The following CACNA1B variants were observed in gnomAD, a reference collection of about 807,000 sequenced individuals.
CACNA1B encodes the protein voltage-dependent N-type calcium channel subunit alpha-1B.
A neutral mutation model predicts 247.2 loss-of-function variants in CACNA1B; 70 were observed. That is an observed-to-expected ratio of 0.28 (90% confidence interval 0.23 to 0.35). The LOEUF is 0.35. CACNA1B is among the 10% of genes least tolerant of loss of function. The pLI is 1.00. For missense variants in CACNA1B, 2,367 were observed against 3,197.4 expected (o/e 0.74, Z 6.26); for synonymous variants, 1,231 against 1,294.4 (o/e 0.95, Z 1.05).
intron 3 of CACNA1B, chr9:137,883,118 C>T (rs1956952221): frequency 1.9e-6 from 1 of 532,356 alleles, no homozygotes; most frequent in Non-Finnish European, 3.4e-6. Context: ...GTGACCTGTC[C>T]CCAGGAGGCG....
At position 138,121,564 on chromosome 9, in the gene CACNA1B, G is replaced by A; in HGVS notation, c.6585G>A (p.Leu2195=). Residue 2195 remains leucine (L), a synonymous_variant, in exon 47 of 47, where the codon CTG becomes CTA. Transcript: ENST00000371372. The surrounding 1 kb of genome is among the most constrained non-coding windows in gnomAD (Gnocchi z 6.8). ...GGRRQLPQTP[L]TPRPSITYKT... ...GGAGGCAGCTCCCCCAGACGCCCCTGACTCCCCGCCCCAGCATCACCTACA... is the reference window on the plus strand; with the variant it reads ...GGAGGCAGCTCCCCCAGACGCCCCTAACTCCCCGCCCCAGCATCACCTACA... The A allele has an allele frequency of 6.2e-7, 1 of 1,607,618 alleles. No individual in the cohort carries two copies. Among genetic ancestry groups the A allele is most frequent in the Non-Finnish European group, 8.5e-7 (1 of 1,175,878 alleles).
intron 3 of CACNA1B, among the ~76,000 whole-genome samples, chr9:137,905,362 A>C (rs1286450108): frequency 6.6e-6 from 1 of 152,132 alleles, no homozygotes; most frequent in Non-Finnish European, 1.5e-5. Context: ...CAAAAAAAAA[A>C]AAAAAACTTT....
At chr9:137,942,995 G>A (rs1298015645) in intron 6 of CACNA1B, among the ~76,000 whole-genome samples, 1 of 151,332 alleles carries the variant, frequency 6.6e-6, no homozygotes, top group Non-Finnish European at 1.5e-5. Context: ...TTATCTCCTG[G>A]CCTGATTTTG....
chr9:137,953,826 T>A (rs1483724738), intron 7 of CACNA1B, among the ~76,000 whole-genome samples: 1 of 152,076 alleles, frequency 6.6e-6, no homozygotes, highest in African/African-American at 2.4e-5. Flanking sequence ...GCACAGGGGC[T>A]GTCAGGGGGC....
At chr9:137,963,730 T>C (rs766550523) in intron 10 of CACNA1B, among the ~76,000 whole-genome samples, 1 of 152,218 alleles carries the variant, frequency 6.6e-6, no homozygotes, top group Non-Finnish European at 1.5e-5. Flanking sequence ...GATTTGATCC[T>C]GTCATCATGA....
intron 10 of CACNA1B, among the ~76,000 whole-genome samples, chr9:137,966,781 G>A (rs146741804): frequency 5.9e-5 from 9 of 152,068 alleles, no homozygotes; most frequent in South Asian, 2.1e-4. Context: ...CTCGTGATCC[G>A]CCCGCCTTGG....
intron 36 of CACNA1B, among the ~76,000 whole-genome samples, chr9:138,083,039 G>GA (rs1382000528): frequency 6.7e-6 from 1 of 150,066 alleles, no homozygotes; most frequent in African/African-American, 2.5e-5. Context: ...TCGGACACCT[G>GA]CAGACCCTAC....
intron 31 of CACNA1B, among the ~76,000 whole-genome samples, chr9:138,060,455 C>G (rs940360461): frequency 6.6e-6 from 1 of 152,236 alleles, no homozygotes; most frequent in Non-Finnish European, 1.5e-5. Context: ...AATCCTGCGT[C>G]CCAAGCCAAG....
rs1395965404 is a variant in CACNA1B at position 138,121,859 on chromosome 9, A to G, written c.6880A>G (p.Thr2294Ala). ...VATNSGRSSR[T>A]SYVSSLTSQS... ...CACCAACTCGGGCCGCTCCTCCAGGACTTCCTACGTGTCCTCCCTGACCTC... is the reference window on the plus strand; with the variant it reads ...CACCAACTCGGGCCGCTCCTCCAGGGCTTCCTACGTGTCCTCCCTGACCTC... Residue 2294 changes from threonine (T) to alanine (A), a missense_variant, in exon 47 of 47, where the codon ACT becomes GCT. Around this residue, in one of 12 missense-constraint regions of CACNA1B, gnomAD observed 773 missense variants for 779.4 expected, o/e 0.99. Transcript: ENST00000371372. This position sits in a 1 kb window ranked among gnomAD's most constrained non-coding sequence, Gnocchi z 6.8. The G allele has an allele frequency of 1.2e-6, 2 of 1,613,140 alleles. No homozygotes were observed. Among genetic ancestry groups the G allele is most frequent in the Non-Finnish European group, 1.7e-6 (2 of 1,179,850 alleles).
At position 138,058,034 on chromosome 9, in the gene CACNA1B, C is replaced by G; in HGVS notation, c.4107-15C>G. The G allele has an allele frequency of 6.2e-7, 1 of 1,610,524 alleles. No homozygotes were observed. On this transcript the variant is annotated splice_polypyrimidine_tract_variant and intron_variant, in intron 27 of 46. Coordinates refer to ENST00000371372, the MANE Select transcript of CACNA1B (RefSeq NM_000718.4). This position sits in a 1 kb window ranked among gnomAD's most constrained non-coding sequence, Gnocchi z 4.7. ...TTTGGGGGTTCCCCTGACACTTGCT[C>G]TCCTCTTTGCCCAGGGTGCTGAAAC... is the stretch of plus-strand genomic sequence containing the variant.
chr9:138,111,375 CTG>C (rs1374969319), intron 39 of CACNA1B, among the ~76,000 whole-genome samples: 2 of 152,234 alleles, frequency 1.3e-5, no homozygotes, highest in African/African-American at 2.4e-5. Context: ...ATGCACCACA[CTG>C]TGTGAAAGAA....
intron 16 of CACNA1B, among the ~76,000 whole-genome samples, chr9:138,009,647 A>C (rs1002561864): frequency 4.6e-5 from 7 of 152,156 alleles, no homozygotes; most frequent in African/African-American, 1.7e-4. Flanking sequence ...CAGGCAGACC[A>C]TGGGCCCTCG....
chr9:138,117,294 G>A (rs1429318932), intron 42 of CACNA1B, among the ~76,000 whole-genome samples: 1 of 150,752 alleles, frequency 6.6e-6, no homozygotes, highest in Non-Finnish European at 1.5e-5. Flanking sequence ...TGGGGGGGGG[G>A]TCAGAGAAGT....
intron 20 of CACNA1B, among the ~76,000 whole-genome samples, chr9:138,032,442 G>T (rs1958998654): frequency 6.6e-6 from 1 of 152,086 alleles, no homozygotes; most frequent in African/African-American, 2.4e-5. Flanking sequence ...AAAGTGTGTT[G>T]TATTTACCTG....
In CACNA1B at chr9:138,023,582, T is replaced by G. The variant is rs944712368; in HGVS notation, c.2839T>G (p.Cys947Gly). ...AHRHQDPSKE[C>G]AGAKGERRAR... ...CCGGCACCAGGATCCGAGCAAGGAG[T>G]GCGCCGGCGCCAAGGGCGAGCGGCG... Residue 947 changes from cysteine to glycine, a missense_variant, in exon 19 of 47, where the codon TGC becomes GGC. Coordinates refer to ENST00000371372, the MANE Select transcript of CACNA1B (RefSeq NM_000718.4). 9 of 1,075,094 alleles carry G rather than the reference T, an allele frequency of 8.4e-6. No individual in the cohort carries two copies. The East Asian group carries it at 2.6e-4, about 31-fold the overall frequency. The allele number at this position is 1,075,094 out of a possible 1,614,324, so 66.6% of individuals were successfully genotyped here. A position where few individuals can be genotyped will look rare whatever the true frequency, so the allele number is the denominator to read the frequency against.
chr9:137,945,310 A>T (rs1472345394), intron 6 of CACNA1B, among the ~76,000 whole-genome samples: 1 of 152,220 alleles, frequency 6.6e-6, no homozygotes. Flanking sequence ...AGAGAAGAGG[A>T]CTTTCAAAAG....
At chr9:138,119,723 G>T (rs1388809647) in intron 44 of CACNA1B, among the ~76,000 whole-genome samples, 1 of 152,146 alleles carries the variant, frequency 6.6e-6, no homozygotes, top group Non-Finnish European at 1.5e-5. Context: ...CTGTGCTGGG[G>T]CCTCCTCCTT....
chr9:137,888,521 A>G lies in CACNA1B; in HGVS notation c.530+5638A>G, dbSNP rs575821101. On this transcript the variant is annotated intron_variant, in intron 3 of 46. Coordinates refer to ENST00000371372, the MANE Select transcript of CACNA1B (RefSeq NM_000718.4). The surrounding 1 kb of genome is among the most constrained non-coding windows in gnomAD (Gnocchi z 4.7). The stretch of plus-strand genomic sequence containing the variant: ...CCTCCATGGCCCTTGGGGACATCAG[A>G]GAAACACATCCTGGCTCAGGCAGGT... Among the ~76,000 whole-genome samples the G allele has an allele frequency of 6.6e-6, 1 of 152,322 alleles. No homozygotes were observed. Among genetic ancestry groups the G allele is most frequent in the South Asian group, 2.1e-4 (1 of 4,824 alleles).
Position 138,121,220 on chromosome 9 carries a change from C to T in CACNA1B, c.6490-249C>T, listed in dbSNP as rs1279122313. ...GTTGGGCTTTTGTTCTGTCCTTTTC[C>T]CTGGCCCCAGCCTGTCCCTTCCCAT... is the stretch of plus-strand genomic sequence containing the variant. On this transcript the variant is annotated intron_variant, in intron 46 of 46. Transcript: ENST00000371372. The surrounding 1 kb of genome is among the most constrained non-coding windows in gnomAD (Gnocchi z 6.8). Among the ~76,000 whole-genome samples the T allele has an allele frequency of 6.6e-6, 1 of 152,088 alleles. No individual in the cohort carries two copies. Among genetic ancestry groups the T allele is most frequent in the Non-Finnish European group, 1.5e-5 (1 of 68,010 alleles).
Sources: gnomAD v4.1 joint callset for allele counts (sites outside exome capture counted in the v4.1 genomes callset) on GRCh38, gnomAD v4.1.1 for gene constraint, gnomAD v4.1.1 regional missense constraint, Gnocchi (gnomAD v3.1) non-coding constraint, MANE v1.5 for transcripts, NCBI Gene and HGNC (gene_info 2026-07-23, HGNC 2026-07-21) for gene names.